PTPRG: variants seen among roughly 807,000 people sequenced by gnomAD.
PTPRG encodes the protein protein tyrosine phosphatase receptor type G, also known as receptor-type tyrosine-protein phosphatase gamma.
Under a neutral mutation model 165.3 loss-of-function variants are expected in PTPRG, and 102 were observed. The observed-to-expected ratio is 0.62, with a 90% CI of 0.53 to 0.73. The LOEUF is 0.73. Ranked by LOEUF, PTPRG falls within the 30% of genes least tolerant of loss-of-function variation. The probability of loss-of-function intolerance (pLI) is 0.00; values close to 1 mark genes in which losing one functional copy is unlikely to be tolerated. For synonymous variants in PTPRG, 675 were observed against 669.5 expected, an observed-to-expected ratio of 1.01 and a Z score of -0.13; for missense variants, 1,866 against 1,861.4, an observed-to-expected ratio of 1.00 and a Z score of -0.05.
intron 8 of PTPRG, among the ~76,000 whole-genome samples, chr3:62,170,572 A>C (rs554503051): frequency 1.2e-4 from 18 of 152,208 alleles, no homozygotes; most frequent in Non-Finnish European, 2.2e-4. Flanking sequence ...AGTAGGCACG[A>C]TCTTCCACTG....
chr3:61,703,021 C>T (rs370680677), intron 1 of PTPRG, among the ~76,000 whole-genome samples: 12 of 152,264 alleles, frequency 7.9e-5, no homozygotes, highest in African/African-American at 1.2e-4. Context: ...GTAATTCATA[C>T]GGTGGGTGCA....
chr3:62,128,077 G>A (rs17066141), intron 5 of PTPRG, among the ~76,000 whole-genome samples: 7,130 of 152,240 alleles, frequency 0.047, 371 homozygotes, highest in African/African-American at 0.14. Context: ...TACTTTGGTT[G>A]TATCTAAAGA....
intron 8 of PTPRG, among the ~76,000 whole-genome samples, chr3:62,176,717 T>A (rs1199906891): frequency 1.3e-5 from 2 of 152,138 alleles, no homozygotes; most frequent in Non-Finnish European, 2.9e-5. Flanking sequence ...CCACTTGATC[T>A]GTACCGTGGG....
At chr3:62,118,790 T>C (rs1702955566) in intron 5 of PTPRG, among the ~76,000 whole-genome samples, 1 of 152,164 alleles carries the variant, frequency 6.6e-6, no homozygotes, top group South Asian at 2.1e-4. Context: ...GTGTGTGTCA[T>C]TGTCCACTTG....
intron 2 of PTPRG, among the ~76,000 whole-genome samples, chr3:61,891,324 A>T (rs1409230521): frequency 6.6e-6 from 1 of 152,020 alleles, no homozygotes; most frequent in Non-Finnish European, 1.5e-5. Context: ...AATAAAAATA[A>T]ACTTAATCTC....
chr3:61,631,938 G>A (rs892615392), intron 1 of PTPRG, among the ~76,000 whole-genome samples: 2 of 152,304 alleles, frequency 1.3e-5, no homozygotes, highest in Middle Eastern at 3.4e-3. Flanking sequence ...TGCTCTGATT[G>A]TAGCCTGGAT....
chr3:61,746,159 C>A, intron 1 of PTPRG, among the ~76,000 whole-genome samples: 1 of 150,548 alleles, frequency 6.6e-6, no homozygotes, highest in South Asian at 2.1e-4. Context: ...CGTCCCACCT[C>A]AGCCAGCCAA....
chr3:61,949,899 C>G (rs1303113301), intron 2 of PTPRG, among the ~76,000 whole-genome samples: 1 of 152,242 alleles, frequency 6.6e-6, no homozygotes, highest in African/African-American at 2.4e-5. Context: ...AGGCACCCGC[C>G]ACCGTGCCCG....
At chr3:61,595,123 T>C (rs977275682) in intron 1 of PTPRG, among the ~76,000 whole-genome samples, 4 of 152,264 alleles carry the variant, frequency 2.6e-5, no homozygotes, top group Admixed American at 2.6e-4. Context: ...TGCATGTGTC[T>C]GTATAATGAG....
At chr3:61,706,350 G>A (rs1325018626) in intron 1 of PTPRG, among the ~76,000 whole-genome samples, 2 of 152,000 alleles carry the variant, frequency 1.3e-5, no homozygotes, top group Non-Finnish European at 2.9e-5. Context: ...CATATATAGT[G>A]AGATAATATC....
At chr3:61,792,570 C>T (rs900329668) in intron 2 of PTPRG, among the ~76,000 whole-genome samples, 17 of 152,186 alleles carry the variant, frequency 1.1e-4, no homozygotes, top group African/African-American at 4.1e-4. Context: ...TTGGCCCATT[C>T]CACCAATGAA....
intron 2 of PTPRG, among the ~76,000 whole-genome samples, chr3:61,775,086 G>T (rs1252487216): frequency 2.6e-5 from 4 of 151,956 alleles, no homozygotes; most frequent in African/African-American, 4.8e-5. Context: ...TGTTGTTGTT[G>T]TTGAGACAGA....
chr3:62,089,042 T>A (rs540786679), intron 5 of PTPRG, among the ~76,000 whole-genome samples: 1 of 152,346 alleles, frequency 6.6e-6, no homozygotes, highest in African/African-American at 2.4e-5. Context: ...ATTTTGTTGT[T>A]CAGGGTTTAC....
intron 1 of PTPRG, among the ~76,000 whole-genome samples, chr3:61,592,244 G>A (rs9851261): frequency 0.14 from 21,901 of 152,038 alleles, 2,140 homozygotes; most frequent in African/African-American, 0.27. Flanking sequence ...TGGGATTACA[G>A]GTGTGAGCCA....
chr3:61,736,218 T>G (rs2032717660), intron 1 of PTPRG, among the ~76,000 whole-genome samples: 1 of 151,716 alleles, frequency 6.6e-6, no homozygotes, highest in Non-Finnish European at 1.5e-5. Context: ...ATTTTTTTTT[T>G]TTTTAATTTT....
intron 2 of PTPRG, among the ~76,000 whole-genome samples, chr3:61,754,881 G>C (rs946694504): frequency 2.0e-5 from 3 of 152,146 alleles, no homozygotes; most frequent in African/African-American, 7.2e-5. Flanking sequence ...CAAATTTAAT[G>C]TTAATATTGT....
At chr3:61,837,422 A>T (rs1381351183) in intron 2 of PTPRG, among the ~76,000 whole-genome samples, 1 of 152,178 alleles carries the variant, frequency 6.6e-6, no homozygotes, top group African/African-American at 2.4e-5. Context: ...AATGTGGGAT[A>T]CAGTAAAGTA....
intron 1 of PTPRG, among the ~76,000 whole-genome samples, chr3:61,650,700 C>T (rs923762172): frequency 2.0e-5 from 3 of 152,192 alleles, no homozygotes; most frequent in Non-Finnish European, 4.4e-5. Context: ...ATCAAACGCA[C>T]AGTCAACTTT....
Position 62,222,127 on chromosome 3 carries a change from C to G in PTPRG, c.2288+3144C>G, listed in dbSNP as rs1182793513. Among the ~76,000 whole-genome samples the G allele has an allele frequency of 2.0e-5, 3 of 152,214 alleles. No individual in the cohort carries two copies. The highest frequency in any genetic ancestry group is 2.0e-4 in the Admixed American group (3 of 15,278). The stretch of plus-strand genomic sequence containing the variant: ...GCCAAATAGTTGGCAATATCATCAC[C>G]AGAACCCTTTTGTTGTTCAGAACCC... On this transcript the variant is annotated intron_variant, in intron 13 of 29. Coordinates refer to ENST00000474889, the MANE Select transcript of PTPRG (RefSeq NM_002841.4). The surrounding 1 kb of genome is among the most constrained non-coding windows in gnomAD (Gnocchi z 4.5).
Sources: gnomAD v4.1 joint callset for allele counts (sites outside exome capture counted in the v4.1 genomes callset) on GRCh38, gnomAD v4.1.1 for gene constraint, Gnocchi (gnomAD v3.1) non-coding constraint, MANE v1.5 for transcripts, NCBI Gene and HGNC (gene_info 2026-07-23, HGNC 2026-07-21) for gene names.